Variants in RBMS3 observed in about 807,000 individuals in gnomAD.
The protein encoded by RBMS3 is RNA-binding motif, single-stranded-interacting protein 3.
RBMS3 carries 27 observed loss-of-function variants against 66.8 expected under a neutral mutation model. That is an observed-to-expected ratio of 0.40 (90% confidence interval 0.30 to 0.56). RBMS3 has a LOEUF of 0.56. Ranked by LOEUF, RBMS3 falls within the 20% of genes least tolerant of loss-of-function variation. The pLI, the probability that RBMS3 is intolerant of heterozygous loss-of-function variation, is 0.40. For synonymous variants in RBMS3, 188 were observed against 183.0 expected (o/e 1.03, Z -0.22); for missense variants, 513 against 549.5 (o/e 0.93, Z 0.66).
At chr3:29,716,456 A>G (rs902978687) in intron 4 of RBMS3, among the ~76,000 whole-genome samples, 2 of 152,188 alleles carry the variant, frequency 1.3e-5, no homozygotes, top group Non-Finnish European at 2.9e-5. Flanking sequence ...GATAAATTAG[A>G]AAAAAGAAGA....
At chr3:29,597,939 A>G (rs2048012087) in intron 4 of RBMS3, among the ~76,000 whole-genome samples, 1 of 152,152 alleles carries the variant, frequency 6.6e-6, no homozygotes, top group African/African-American at 2.4e-5. Context: ...AGGTAACTGA[A>G]CAAAGTTGCT....
At chr3:29,501,101 G>A (rs1479523457) in intron 3 of RBMS3, among the ~76,000 whole-genome samples, 2 of 152,134 alleles carry the variant, frequency 1.3e-5, no homozygotes, top group Non-Finnish European at 2.9e-5. Context: ...GTCTGCTGTT[G>A]TGAGAAGTAA....
At chr3:29,854,671 C>T (rs1264497980) in intron 6 of RBMS3, among the ~76,000 whole-genome samples, 1 of 152,102 alleles carries the variant, frequency 6.6e-6, no homozygotes, top group Non-Finnish European at 1.5e-5. Flanking sequence ...TTTTACTTTG[C>T]CCTTTGTATT....
intron 3 of RBMS3, among the ~76,000 whole-genome samples, chr3:29,521,085 A>G (rs1412519817): frequency 6.6e-6 from 1 of 151,986 alleles, no homozygotes; most frequent in Non-Finnish European, 1.5e-5. Flanking sequence ...ACCCTGCCTT[A>G]TTATTTTTTT....
chr3:29,905,768 T>C (rs940607207), intron 10 of RBMS3, among the ~76,000 whole-genome samples: 1 of 152,144 alleles, frequency 6.6e-6, no homozygotes, highest in East Asian at 1.9e-4. Context: ...AATAAATAAA[T>C]AAGTCTTATA....
chr3:29,381,048 G>A (rs967836805), intron 1 of RBMS3, among the ~76,000 whole-genome samples: 1 of 152,052 alleles, frequency 6.6e-6, no homozygotes, highest in African/African-American at 2.4e-5. Flanking sequence ...GATACATCAT[G>A]TGCAAAAAGT....
intron 10 of RBMS3, among the ~76,000 whole-genome samples, chr3:29,931,729 A>G (rs1213105142): frequency 1.3e-5 from 2 of 152,192 alleles, no homozygotes; most frequent in Non-Finnish European, 2.9e-5. Context: ...TTGCATGCTA[A>G]TACTGCAGAA....
At chr3:29,502,513 C>A (rs2148939301) in intron 3 of RBMS3, among the ~76,000 whole-genome samples, 1 of 152,162 alleles carries the variant, frequency 6.6e-6, no homozygotes, top group South Asian at 2.1e-4. Context: ...TGTAGTAGTT[C>A]TTATTCTCCC....
In RBMS3 at chr3:29,307,636, G is replaced by A. The variant is rs7616527; in HGVS notation, c.75+25880G>A. On this transcript the variant is annotated intron_variant, in intron 1 of 14. Transcript: ENST00000383767. ...GAACAGATGAGAGACGCTGTTTAGA[G>A]TGACAGACATGTAGTAAGTGGCTGC... Among the ~76,000 whole-genome samples the A allele has an allele frequency of 3.0e-3, 457 of 152,054 alleles. 1 individual carries two copies. Among genetic ancestry groups the A allele is most frequent in the African/African-American group, 0.01 (428 of 41,526 alleles).
intron 12 of RBMS3, among the ~76,000 whole-genome samples, chr3:29,985,849 T>A (rs1027598765): frequency 6.6e-6 from 1 of 152,108 alleles, no homozygotes; most frequent in Non-Finnish European, 1.5e-5. Flanking sequence ...GGAACTCCAG[T>A]TTGGCAAGGA....
intron 1 of RBMS3, among the ~76,000 whole-genome samples, chr3:29,313,951 T>C (rs1025448037): frequency 4.6e-5 from 7 of 151,728 alleles, no homozygotes; most frequent in Non-Finnish European, 8.8e-5. Flanking sequence ...GATTATCCTT[T>C]AACAAATACA....
intron 2 of RBMS3, among the ~76,000 whole-genome samples, chr3:29,474,183 C>T (rs1262438379): frequency 6.6e-6 from 1 of 152,242 alleles, no homozygotes; most frequent in African/African-American, 2.4e-5. Context: ...CAATTGTAGA[C>T]CATACACTTT....
At chr3:29,962,921 A>G (rs1423865186) in intron 12 of RBMS3, among the ~76,000 whole-genome samples, 1 of 151,952 alleles carries the variant, frequency 6.6e-6, no homozygotes, top group Non-Finnish European at 1.5e-5. Flanking sequence ...AATAAATCCT[A>G]CATAGAACTG....
intron 2 of RBMS3, among the ~76,000 whole-genome samples, chr3:29,463,201 C>T (rs1173927547): frequency 6.6e-6 from 1 of 152,104 alleles, no homozygotes; most frequent in Non-Finnish European, 1.5e-5. Flanking sequence ...TAACATTTAA[C>T]CTATTTTTAG....
intron 4 of RBMS3, among the ~76,000 whole-genome samples, chr3:29,678,445 A>G (rs1262197760): frequency 6.6e-6 from 1 of 152,174 alleles, no homozygotes; most frequent in East Asian, 1.9e-4. Context: ...AAGATTTAAT[A>G]TTCCATTACT....
intron 1 of RBMS3, among the ~76,000 whole-genome samples, chr3:29,377,318 GAA>G (rs1055949421): frequency 2.0e-5 from 3 of 152,160 alleles, no homozygotes; most frequent in African/African-American, 7.2e-5. Context: ...GTGAACAGAG[GAA>G]AAGTGTCTGA....
At chr3:29,285,986 A>G (rs1343474032) in intron 1 of RBMS3, among the ~76,000 whole-genome samples, 1 of 152,186 alleles carries the variant, frequency 6.6e-6, no homozygotes, top group Non-Finnish European at 1.5e-5. Flanking sequence ...TTCCTGCCTC[A>G]GATTTGCATT....
At chr3:29,841,126 A>G (rs182746794) in intron 6 of RBMS3, among the ~76,000 whole-genome samples, 8 of 151,866 alleles carry the variant, frequency 5.3e-5, no homozygotes, top group African/African-American at 1.4e-4. Context: ...GTATTGTTCA[A>G]TTATATCTCT....
chr3:29,480,516 G>A (rs1005549171), intron 2 of RBMS3, among the ~76,000 whole-genome samples: 7 of 152,290 alleles, frequency 4.6e-5, no homozygotes, highest in Middle Eastern at 3.4e-3. Context: ...CCAGGGAAAG[G>A]ATATTTCAAG....
Sources: allele counts gnomAD v4.1 joint callset (sites outside exome capture counted in the v4.1 genomes callset), GRCh38; gene constraint gnomAD v4.1.1; transcripts MANE v1.5; gene names NCBI Gene and HGNC (gene_info 2026-07-23, HGNC 2026-07-21).